LRBA: variants seen among roughly 807,000 people sequenced by gnomAD.
LRBA encodes the protein LPS responsive beige-like anchor protein.
A neutral mutation model predicts 330.0 loss-of-function variants in LRBA; 176 were observed. The observed-to-expected ratio is 0.53, with a 90% CI of 0.47 to 0.60. The LOEUF (loss-of-function observed/expected upper bound fraction) is 0.60. Ranked by LOEUF, LRBA falls within the 20% of genes least tolerant of loss-of-function variation. The pLI is 0.00. For missense variants in LRBA, 3,259 were observed against 3,444.8 expected (o/e 0.95, Z 1.35); for synonymous variants, 1,230 against 1,193.0 (o/e 1.03, Z -0.64).
intron 40 of LRBA, among the ~76,000 whole-genome samples, chr4:150,571,649 GTTTTTT>G (rs58652637): frequency 1.3e-5 from 1 of 74,592 alleles, no homozygotes; most frequent in African/African-American, 4.5e-5. Flanking sequence ...CTGGTTAGTT[GTTTTTT>G]TTTTTTTTTT....
At chr4:150,777,972 CAAAAAAAAAAAAAA>C (rs57988391) in intron 34 of LRBA, among the ~76,000 whole-genome samples, 40 of 65,626 alleles carry the variant, frequency 6.1e-4, no homozygotes, top group Non-Finnish European at 8.3e-4. Context: ...GACTCTGTTT[CAAAAAAAAAAAAAA>C]AAAAAAAAAA....
At chr4:150,514,023 T>C (rs1470413767) in intron 40 of LRBA, among the ~76,000 whole-genome samples, 4 of 152,188 alleles carry the variant, frequency 2.6e-5, no homozygotes, top group African/African-American at 4.8e-5. Context: ...TGTGGCAAGA[T>C]AAATTGTTAG....
intron 2 of LRBA, among the ~76,000 whole-genome samples, chr4:150,954,246 C>T (rs562595226): frequency 2.0e-5 from 3 of 151,054 alleles, no homozygotes; most frequent in South Asian, 2.1e-4. Context: ...TCTGCCCGGC[C>T]GCCACCCCGT....
rs1003191781 is a variant in LRBA, at chr4:150,848,852, T to G, written c.4305A>C (p.Ser1435=). ...FTEIEAEKSM[S]SGGILRQCLR... ...GACACTGCCGCAAAATTCCTCCAGA[T>G]GACATACTTTTTTCAGCTTCAATTT... Residue 1435 remains serine (S), a synonymous_variant, in exon 26 of 57, where the codon TCA becomes TCC. Transcript: ENST00000651943. 3 of 1,611,060 alleles carry G rather than the reference T, an allele frequency of 1.9e-6. No homozygotes were observed. Among genetic ancestry groups the G allele is most frequent in the Non-Finnish European group, 2.5e-6 (3 of 1,178,594 alleles).
intron 45 of LRBA, among the ~76,000 whole-genome samples, chr4:150,436,091 T>C (rs1014849676): frequency 6.6e-6 from 1 of 152,182 alleles, no homozygotes; most frequent in Non-Finnish European, 1.5e-5. Context: ...AGAAAAATGT[T>C]TGGATGATTT....
chr4:150,420,280 G>A (rs1017650124), intron 46 of LRBA, among the ~76,000 whole-genome samples: 1 of 108,188 alleles, frequency 9.2e-6, no homozygotes, highest in East Asian at 3.1e-4. Context: ...TATATATAAA[G>A]TATATATATA....
At chr4:150,396,564 G>A (rs1207576101) in intron 47 of LRBA, among the ~76,000 whole-genome samples, 1 of 151,350 alleles carries the variant, frequency 6.6e-6, no homozygotes, top group African/African-American at 2.4e-5. Flanking sequence ...ACCCACTCAA[G>A]CTGGCATATA....
chr4:150,861,844 A>C (rs1751982641), intron 22 of LRBA, among the ~76,000 whole-genome samples: 1 of 152,032 alleles, frequency 6.6e-6, no homozygotes. Flanking sequence ...TGACAGGCAC[A>C]GTGGCTCACA....
chr4:150,780,873 T>TTTTA lies in LRBA; in HGVS notation c.5580+17204_5580+17207dup, dbSNP rs58026198. 1.8e-3 allele frequency among the ~76,000 whole-genome samples: 271 copies of TTTTA among 151,784 alleles called. 1 individual carries two copies. The highest frequency in any genetic ancestry group is 3.7e-3 in the Admixed American group (57 of 15,242). On this transcript the variant is annotated intron_variant, in intron 34 of 56. Transcript: ENST00000651943. ...CACATTACATTTATCGTGCATTTTA[T>TTTTA]TTTATTTATTTATTTATTTATTTTG...
intron 40 of LRBA, among the ~76,000 whole-genome samples, chr4:150,520,751 CAAAG>C (rs1465011877): frequency 6.6e-6 from 1 of 152,036 alleles, no homozygotes; most frequent in Non-Finnish European, 1.5e-5. Context: ...CTCATGGACA[CAAAG>C]AAGGGAACAA....
At position 150,928,963 on chromosome 4, in the gene LRBA, G is replaced by C; in HGVS notation, c.319C>G (p.Gln107Glu). Residue 107 changes from glutamine to glutamate, a missense_variant, in exon 3 of 57, where the codon CAA becomes GAA. Gln to Glu is a conservative substitution (Grantham distance 29, BLOSUM62 2). Coordinates refer to ENST00000651943, the MANE Select transcript of LRBA (RefSeq NM_001364905.1). Reference sequence around the variant, plus strand: ...GTAAACATGCTCCAGACTTCTGCTTGGCACGTAATGTCACATTTTTCCAGT... The same window carrying C: ...GTAAACATGCTCCAGACTTCTGCTTCGCACGTAATGTCACATTTTTCCAGT... ...DLLEKCDITCQAEVWSMFTAI... is the reference protein window; with the variant it reads ...DLLEKCDITCEAEVWSMFTAI... 6.2e-7 allele frequency: 1 copy of C among 1,613,588 alleles called. No individual in the cohort carries two copies. The highest frequency in any genetic ancestry group is 2.2e-5 in the East Asian group (1 of 44,840).
chr4:150,394,674 C>G, intron 47 of LRBA, among the ~76,000 whole-genome samples: 1 of 152,096 alleles, frequency 6.6e-6, no homozygotes, highest in Admixed American at 6.6e-5. Context: ...TTTGTTTAAG[C>G]CTTAGAGCTA....
intron 16 of LRBA, among the ~76,000 whole-genome samples, chr4:150,894,713 G>T (rs184316355): frequency 1.3e-5 from 2 of 152,156 alleles, no homozygotes; most frequent in Non-Finnish European, 2.9e-5. Flanking sequence ...CATTGAAAGT[G>T]TTATTTAGAG....
At chr4:150,609,523 T>A (rs1259137289) in intron 37 of LRBA, among the ~76,000 whole-genome samples, 1 of 152,188 alleles carries the variant, frequency 6.6e-6, no homozygotes, top group African/African-American at 2.4e-5. Flanking sequence ...TAAGAGATAT[T>A]ATACTTCTTC....
intron 36 of LRBA, 24 bp from the exon 37 acceptor site, chr4:150,683,741 C>T: frequency 6.6e-7 from 1 of 1,523,508 alleles, no homozygotes; most frequent in Non-Finnish European, 8.9e-7. Flanking sequence ...AAAAATAATA[C>T]TATAAAAAAT....
At chr4:150,779,311 G>A (rs1219664545) in intron 34 of LRBA, among the ~76,000 whole-genome samples, 1 of 151,618 alleles carries the variant, frequency 6.6e-6, no homozygotes, top group East Asian at 1.9e-4. Context: ...CTTTTTAAAT[G>A]TTTCTTTTTT....
At chr4:150,542,808 A>C (rs953602318) in intron 40 of LRBA, among the ~76,000 whole-genome samples, 17 of 152,272 alleles carry the variant, frequency 1.1e-4, no homozygotes, top group Admixed American at 2.6e-4. Context: ...CAATCTTCAG[A>C]ATTTCTATTC....
intron 4 of LRBA, among the ~76,000 whole-genome samples, chr4:150,924,462 A>T (rs554300854): frequency 2.0e-4 from 31 of 152,226 alleles, no homozygotes; most frequent in African/African-American, 7.0e-4. Flanking sequence ...CAGGCAGCCG[A>T]GATAGCACCA....
intron 52 of LRBA, among the ~76,000 whole-genome samples, chr4:150,305,472 G>A (rs1419783887): frequency 1.3e-5 from 2 of 152,108 alleles, no homozygotes; most frequent in Non-Finnish European, 2.9e-5. Context: ...CAAGCATTAG[G>A]CCTTCTTACC....
Sources: allele counts gnomAD v4.1 joint callset (sites outside exome capture counted in the v4.1 genomes callset), GRCh38; gene constraint gnomAD v4.1.1; transcripts MANE v1.5; gene names NCBI Gene and HGNC (gene_info 2026-07-23, HGNC 2026-07-21).